Variants in JMJD1C observed in about 807,000 individuals in gnomAD.
JMJD1C encodes jumonji domain-containing protein 1C.
JMJD1C carries 31 observed loss-of-function variants against 245.3 expected under a neutral mutation model. That is an observed-to-expected ratio of 0.13 (90% CI 0.09 to 0.17). The LOEUF is 0.17. Among genes scored for constraint, JMJD1C ranks in the 10% least tolerant of loss-of-function variants. The probability of loss-of-function intolerance (pLI) is 1.00; values close to 1 mark genes in which losing one functional copy is unlikely to be tolerated. For missense variants in JMJD1C, 2,691 were observed against 3,000.2 expected, an observed-to-expected ratio of 0.90 and a Z score of 2.41; for synonymous variants, 1,057 against 1,017.4, an observed-to-expected ratio of 1.04 and a Z score of -0.74.
chr10:63,221,566 GTCTT>G (rs778064506), intron 3 of JMJD1C, among the ~76,000 whole-genome samples: 29 of 152,162 alleles, frequency 1.9e-4, no homozygotes, highest in Non-Finnish European at 2.9e-4. Flanking sequence ...GCATTAACAT[GTCTT>G]TCTTTACTTT....
At chr10:63,216,649 A>G (rs1039630490) in intron 5 of JMJD1C, among the ~76,000 whole-genome samples, 10 of 152,212 alleles carry the variant, frequency 6.6e-5, no homozygotes, top group Non-Finnish European at 1.3e-4. Flanking sequence ...GGTGGAGCTT[A>G]CAGTGAGCCG....
chr10:63,269,119 G>C (rs1855983260), intron 2 of JMJD1C: 6 of 985,324 alleles, frequency 6.1e-6, no homozygotes, highest in Non-Finnish European at 6.0e-6. Context: ...CAAATAAAGA[G>C]AACAGCCATC....
intron 1 of JMJD1C, among the ~76,000 whole-genome samples, chr10:63,406,801 A>G (rs1398328569): frequency 2.0e-5 from 3 of 152,190 alleles, no homozygotes; most frequent in Non-Finnish European, 4.4e-5. Context: ...AAATGTCTTC[A>G]AATATATTCC....
chr10:63,502,531 G>A (rs1218717192), intron 1 of JMJD1C, among the ~76,000 whole-genome samples: 4 of 151,606 alleles, frequency 2.6e-5, no homozygotes, highest in South Asian at 4.2e-4. Flanking sequence ...CCAGCTACTC[G>A]GGAGGCTGAG....
chr10:63,419,197 C>T (rs1202326108), intron 1 of JMJD1C, among the ~76,000 whole-genome samples: 2 of 151,122 alleles, frequency 1.3e-5, no homozygotes, highest in African/African-American at 4.9e-5. Flanking sequence ...ACCAGCCTGA[C>T]CAACATGGTG....
chr10:63,455,270 C>CT (rs1415832115), intron 1 of JMJD1C, among the ~76,000 whole-genome samples: 1 of 152,126 alleles, frequency 6.6e-6, no homozygotes. Context: ...TACTCCATAT[C>CT]TAAGATCACA....
intron 2 of JMJD1C, 71 bp downstream of exon 2, chr10:63,380,247 G>A (rs780517169): frequency 7.9e-6 from 12 of 1,520,050 alleles, no homozygotes; most frequent in African/African-American, 1.4e-5. Flanking sequence ...CCTGGCCTTT[G>A]TTTTGTTGTT....
At chr10:63,435,794 G>C (rs1406545466) in intron 1 of JMJD1C, among the ~76,000 whole-genome samples, 1 of 152,196 alleles carries the variant, frequency 6.6e-6, no homozygotes, top group African/African-American at 2.4e-5. Context: ...AGCTACGCAG[G>C]AGGCTGAGAT....
intron 1 of JMJD1C, among the ~76,000 whole-genome samples, chr10:63,438,662 T>C (rs1020698490): frequency 2.0e-5 from 3 of 152,180 alleles, no homozygotes; most frequent in African/African-American, 7.2e-5. Flanking sequence ...TCTCTGACCA[T>C]ACCACATTCA....
chr10:63,225,834 C>T (rs1017384755), intron 3 of JMJD1C, among the ~76,000 whole-genome samples: 2 of 151,454 alleles, frequency 1.3e-5, no homozygotes, highest in Non-Finnish European at 2.9e-5. Context: ...AGACACTATG[C>T]TGGGTACTTT....
At chr10:63,276,222 T>G (rs917295077) in intron 2 of JMJD1C, among the ~76,000 whole-genome samples, 1 of 151,978 alleles carries the variant, frequency 6.6e-6, no homozygotes, top group South Asian at 2.1e-4. Context: ...ATCCCAGCAC[T>G]TTGGGAGGCC....
chr10:63,465,626 G>A lies in JMJD1C; in HGVS notation c.37C>T (p.Arg13Trp). 2 of 1,609,984 alleles carry A rather than the reference G, an allele frequency of 1.2e-6. No homozygotes were observed. The highest frequency in any genetic ancestry group is 8.5e-7 in the Non-Finnish European group (1 of 1,179,890). ...TCGCCGACCGCCACACACAGGAACC[G>A]CTTACCCACCAGCTCTGCCCGCGTC... ...VETRAELVGKRFLCVAVGDEA... is the reference protein window; with the variant it reads ...VETRAELVGKWFLCVAVGDEA... Residue 13 changes from arginine (R) to tryptophan (W), a missense_variant, in exon 1 of 26, where the codon CGG becomes TGG. Around this residue, in one of 9 missense-constraint regions of JMJD1C, gnomAD observed 135 missense variants for 115.5 expected, o/e 1.17. Transcript: ENST00000399262.
At chr10:63,485,183 T>C (rs1953956194) in intron 1 of JMJD1C, among the ~76,000 whole-genome samples, 1 of 152,226 alleles carries the variant, frequency 6.6e-6, no homozygotes, top group Non-Finnish European at 1.5e-5. Context: ...GGCATATAAG[T>C]GCAGAGTAAA....
intron 1 of JMJD1C, among the ~76,000 whole-genome samples, chr10:63,434,221 T>A (rs1950937569): frequency 6.6e-6 from 1 of 151,974 alleles, no homozygotes; most frequent in Non-Finnish European, 1.5e-5. Context: ...CTGTTTTCAG[T>A]GAGATGAATT....
chr10:63,354,000 C>A (rs1944589879), intron 2 of JMJD1C, among the ~76,000 whole-genome samples: 1 of 152,028 alleles, frequency 6.6e-6, no homozygotes, highest in Non-Finnish European at 1.5e-5. Flanking sequence ...ACCACCACAC[C>A]CAGCTAATTT....
At chr10:63,503,604 G>C (rs1240956107) in intron 1 of JMJD1C, among the ~76,000 whole-genome samples, 1 of 151,958 alleles carries the variant, frequency 6.6e-6, no homozygotes, top group Admixed American at 6.6e-5. Flanking sequence ...ACTCACAACC[G>C]ACCAGCTGCT....
chr10:63,390,318 G>C (rs1564867294), intron 1 of JMJD1C, among the ~76,000 whole-genome samples: 1 of 152,054 alleles, frequency 6.6e-6, no homozygotes, highest in Non-Finnish European at 1.5e-5. Flanking sequence ...CAACTACCAA[G>C]ATTGAATCAG....
intron 1 of JMJD1C, among the ~76,000 whole-genome samples, chr10:63,460,723 A>G (rs1952734725): frequency 6.6e-6 from 1 of 152,228 alleles, no homozygotes; most frequent in Non-Finnish European, 1.5e-5. Flanking sequence ...TTGTCTAAAA[A>G]TAATATATAA....
intron 2 of JMJD1C, among the ~76,000 whole-genome samples, chr10:63,310,356 G>A (rs1031445689): frequency 3.3e-5 from 5 of 152,164 alleles, no homozygotes; most frequent in African/African-American, 9.7e-5. Context: ...AAATGGGAAC[G>A]CTTGCCTTGC....
Sources: allele counts gnomAD v4.1 joint callset (sites outside exome capture counted in the v4.1 genomes callset), GRCh38; gene constraint gnomAD v4.1.1; regional missense constraint gnomAD v4.1.1; transcripts MANE v1.5; gene names NCBI Gene and HGNC (gene_info 2026-07-23, HGNC 2026-07-21).